The following ENKUR variants were observed in gnomAD, a reference collection of about 807,000 sequenced individuals.
ENKUR encodes the protein enkurin, TRPC channel interacting protein.
Under a neutral mutation model 27.6 loss-of-function variants are expected in ENKUR, and 19 were observed. That is an observed-to-expected ratio of 0.69 (90% CI 0.48 to 1.01). The LOEUF is 1.01. Among genes scored for constraint, ENKUR ranks in the 50% least tolerant of loss-of-function variants. The probability of loss-of-function intolerance (pLI) is 0.00; values close to 1 mark genes in which losing one functional copy is unlikely to be tolerated. For missense variants in ENKUR, 312 were observed against 310.5 expected (o/e 1.00, Z -0.04); for synonymous variants, 117 against 96.9 (o/e 1.21, Z -1.22).
intron 2 of ENKUR, among the ~76,000 whole-genome samples, chr10:25,050,106 C>G (rs1470859706): frequency 1.3e-5 from 2 of 152,216 alleles, no homozygotes; most frequent in South Asian, 2.1e-4. Flanking sequence ...ACAACCAGAT[C>G]TGGTGTGAAC....
intron 1 of ENKUR, among the ~76,000 whole-genome samples, chr10:25,006,393 C>G (rs767540797): frequency 2.0e-5 from 3 of 152,074 alleles, no homozygotes; most frequent in Non-Finnish European, 2.9e-5. Flanking sequence ...AACATTTGTG[C>G]TCCTCTGTGA....
At chr10:24,992,747 C>CAG (rs1849952956) in intron 3 of ENKUR, among the ~76,000 whole-genome samples, 1 of 152,170 alleles carries the variant, frequency 6.6e-6, no homozygotes, top group Non-Finnish European at 1.5e-5. Flanking sequence ...CACAGTGTAA[C>CAG]TTAACCCATC....
At chr10:24,999,143 G>C (rs1850131891) in intron 2 of ENKUR, among the ~76,000 whole-genome samples, 1 of 152,174 alleles carries the variant, frequency 6.6e-6, no homozygotes, top group Admixed American at 6.6e-5. Flanking sequence ...CCCACAGCTA[G>C]GGACTAAGAT....
At chr10:25,024,300 T>A (rs1286600118) in intron 2 of ENKUR, 1 of 1,614,088 alleles carries the variant, frequency 6.2e-7, no homozygotes, top group Non-Finnish European at 8.5e-7. Flanking sequence ...AGCTTATGCC[T>A]CATATTTTTG....
intron 2 of ENKUR, among the ~76,000 whole-genome samples, chr10:25,060,412 A>G (rs1851313784): frequency 6.6e-6 from 1 of 152,182 alleles, no homozygotes; most frequent in Non-Finnish European, 1.5e-5. Context: ...CGCAGCAGAA[A>G]ACACAGTTCT....
At chr10:25,043,423 G>C (rs1250952430) in intron 2 of ENKUR, among the ~76,000 whole-genome samples, 1 of 152,008 alleles carries the variant, frequency 6.6e-6, no homozygotes, top group African/African-American at 2.4e-5. Flanking sequence ...TTAAAAATTA[G>C]TCATCATTTA....
chr10:25,020,276 A>ATATCTATATCTATATCTATATCTATATC (rs58705370), upstream of ENKUR, among the ~76,000 whole-genome samples: 3,351 of 149,444 alleles, frequency 0.022, 83 homozygotes, highest in South Asian at 0.051. Context: ...ATCTATATCT[A>ATATCTATATCTATATCTATATCTATATC]TATATATCTA....
intron 3 of ENKUR, among the ~76,000 whole-genome samples, chr10:24,991,850 C>A (rs1446361429): frequency 6.6e-6 from 1 of 152,178 alleles, no homozygotes; most frequent in Non-Finnish European, 1.5e-5. Flanking sequence ...CAAAAGAGCA[C>A]CCTGTAACAC....
At chr10:25,020,280 A>ATATCTATATCTATATCTATATC (rs1231085900), upstream of ENKUR, among the ~76,000 whole-genome samples, 1 of 82,360 alleles carries the variant, frequency 1.2e-5, no homozygotes, top group African/African-American at 4.7e-5. Flanking sequence ...ATATCTATAT[A>ATATCTATATCTATATCTATATC]TATCTACCCC....
exon 2 of ENKUR, chr10:25,061,309 C>T: frequency 1.5e-6 from 1 of 651,652 alleles, no homozygotes; most frequent in Non-Finnish European, 2.7e-6. Flanking sequence ...TCTTGTGCCG[C>T]TCCTCCAGCC....
chr10:25,024,068 G>A (rs781366642), intron 2 of ENKUR: 3 of 1,614,080 alleles, frequency 1.9e-6, no homozygotes, highest in Non-Finnish European at 2.5e-6. Flanking sequence ...GAGTGGAAAA[G>A]CCTAGTAGGA....
intron 2 of ENKUR, chr10:25,024,330 T>A: frequency 1.2e-6 from 2 of 1,614,174 alleles, no homozygotes; most frequent in Non-Finnish European, 1.7e-6. Context: ...TCCCACCAAG[T>A]TGCAATTATA....
intron 1 of ENKUR, among the ~76,000 whole-genome samples, chr10:25,001,203 A>C (rs1048756333): frequency 6.6e-6 from 1 of 152,012 alleles, no homozygotes; most frequent in African/African-American, 2.4e-5. Context: ...TTCCTTCTCC[A>C]TAAAGGACAT....
At chr10:24,986,480 A>C (rs1197539820) in intron 4 of ENKUR, among the ~76,000 whole-genome samples, 1 of 152,250 alleles carries the variant, frequency 6.6e-6, no homozygotes, top group Non-Finnish European at 1.5e-5. Context: ...AGAAGCCCTC[A>C]AAAGAATTCT....
chr10:25,008,980 A>G (rs1588662662), intron 1 of ENKUR, among the ~76,000 whole-genome samples: 1 of 152,138 alleles, frequency 6.6e-6, no homozygotes, highest in Non-Finnish European at 1.5e-5. Flanking sequence ...GCTAGAAACC[A>G]TCATTCTCAG....
intron 1 of ENKUR, among the ~76,000 whole-genome samples, 195 bp downstream of exon 1, chr10:25,015,665 C>T (rs1850550702): frequency 6.6e-6 from 1 of 152,118 alleles, no homozygotes; most frequent in Non-Finnish European, 1.5e-5. Context: ...GCCAGACTGC[C>T]CTCTCTGTAA....
intron 2 of ENKUR, among the ~76,000 whole-genome samples, chr10:25,050,106 C>A (rs1470859706): frequency 2.0e-5 from 3 of 152,096 alleles, no homozygotes; most frequent in Non-Finnish European, 2.9e-5. Context: ...ACAACCAGAT[C>A]TGGTGTGAAC....
At chr10:25,060,108 A>G (rs955929707) in intron 2 of ENKUR, among the ~76,000 whole-genome samples, 1 of 152,148 alleles carries the variant, frequency 6.6e-6, no homozygotes, top group Non-Finnish European at 1.5e-5. Context: ...GGTGCTTAGG[A>G]AGCCTGTGAA....
At chr10:25,045,731 A>C (rs554440372) in intron 2 of ENKUR, among the ~76,000 whole-genome samples, 42 of 152,326 alleles carry the variant, frequency 2.8e-4, no homozygotes, top group Middle Eastern at 3.4e-3. Context: ...AGTTATAGTG[A>C]GATTTTAATA....
Sources: gnomAD v4.1 joint callset for allele counts (sites outside exome capture counted in the v4.1 genomes callset) on GRCh38, gnomAD v4.1.1 for gene constraint, MANE v1.5 for transcripts, NCBI Gene and HGNC (gene_info 2026-07-23, HGNC 2026-07-21) for gene names.